The following RELN variants were observed in gnomAD, a reference collection of about 807,000 sequenced individuals.
The protein encoded by RELN is reelin.
Under a neutral mutation model 427.6 loss-of-function variants are expected in RELN, and 108 were observed. That is an observed-to-expected ratio of 0.25 (90% confidence interval 0.22 to 0.30). RELN has a LOEUF of 0.30. Among genes scored for constraint, RELN ranks in the 10% least tolerant of loss-of-function variants. The pLI is 1.00. For missense variants in RELN, 3,715 were observed against 4,302.8 expected (o/e 0.86, Z 3.82); for synonymous variants, 1,524 against 1,513.4 (o/e 1.01, Z -0.16).
intron 1 of RELN, among the ~76,000 whole-genome samples, chr7:103,973,100 TGA>T (rs1339559565): frequency 6.6e-6 from 1 of 152,224 alleles, no homozygotes; most frequent in Non-Finnish European, 1.5e-5. Context: ...AAAGGTGCCC[TGA>T]AGGTTTAAGT....
chr7:103,691,775 T>C (rs185473938), intron 10 of RELN, among the ~76,000 whole-genome samples: 2 of 152,234 alleles, frequency 1.3e-5, no homozygotes, highest in Admixed American at 6.5e-5. Flanking sequence ...ATCATGACAC[T>C]GCACACTAGT....
chr7:103,745,545 G>A (rs1790798809), intron 6 of RELN, among the ~76,000 whole-genome samples: 1 of 150,816 alleles, frequency 6.6e-6, no homozygotes, highest in South Asian at 2.1e-4. Context: ...ATCTCCTCAA[G>A]CTGATAAGCA....
chr7:103,738,478 T>G (rs575692298), intron 6 of RELN, among the ~76,000 whole-genome samples: 1 of 151,960 alleles, frequency 6.6e-6, no homozygotes, highest in Non-Finnish European at 1.5e-5. Flanking sequence ...AATGCATCCA[T>G]CTATGTAACC....
chr7:103,760,946 A>C (rs1405759625), intron 4 of RELN, among the ~76,000 whole-genome samples: 1 of 152,148 alleles, frequency 6.6e-6, no homozygotes, highest in African/African-American at 2.4e-5. Flanking sequence ...TTGACCTTCA[A>C]GTATGATAAT....
At chr7:103,730,932 T>A (rs1790337803) in intron 6 of RELN, among the ~76,000 whole-genome samples, 1 of 152,080 alleles carries the variant, frequency 6.6e-6, no homozygotes. Flanking sequence ...TTTAACAAAT[T>A]TAGGTTGAGG....
intron 22 of RELN, among the ~76,000 whole-genome samples, chr7:103,609,912 G>A (rs987456764): frequency 1.3e-5 from 2 of 152,160 alleles, no homozygotes; most frequent in Admixed American, 6.5e-5. Context: ...GTAAGATCAT[G>A]TAATTAAACC....
intron 37 of RELN, among the ~76,000 whole-genome samples, chr7:103,557,683 A>C (rs1018005135): frequency 6.6e-6 from 1 of 152,194 alleles, no homozygotes; most frequent in African/African-American, 2.4e-5. Context: ...TTTAGTTAGA[A>C]AGTAGTGGTG....
At chr7:103,548,772 T>C (rs977728655) in intron 41 of RELN, among the ~76,000 whole-genome samples, 2 of 152,224 alleles carry the variant, frequency 1.3e-5, no homozygotes. Flanking sequence ...TTATATTGTC[T>C]TGCCTTACGT....
At chr7:103,767,147 T>C (rs140310772) in intron 4 of RELN, among the ~76,000 whole-genome samples, 9 of 152,378 alleles carry the variant, frequency 5.9e-5, no homozygotes, top group Admixed American at 2.0e-4. Flanking sequence ...TGCATACTGC[T>C]GGACCACTGG....
intron 12 of RELN, 57 bp downstream of exon 12, chr7:103,661,319 T>C: frequency 1.9e-6 from 3 of 1,546,220 alleles, no homozygotes; most frequent in South Asian, 1.1e-5. Flanking sequence ...TCCTCAGGAA[T>C]AGGTGCTGGC....
At chr7:103,557,838 G>C (rs749923324) in intron 37 of RELN, 127 bp downstream of exon 37, 14 of 630,262 alleles carry the variant, frequency 2.2e-5, no homozygotes, top group African/African-American at 3.7e-5. Flanking sequence ...AAACATTTAT[G>C]TATACTAATT....
intron 24 of RELN, among the ~76,000 whole-genome samples, chr7:103,597,515 A>G (rs1831565662): frequency 6.6e-6 from 1 of 152,180 alleles, no homozygotes; most frequent in Admixed American, 6.5e-5. Context: ...AGGCAGGAGA[A>G]TCACTTAAAC....
intron 10 of RELN, among the ~76,000 whole-genome samples, chr7:103,682,531 A>G (rs1366825667): frequency 1.3e-5 from 2 of 152,334 alleles, no homozygotes; most frequent in East Asian, 1.9e-4. Flanking sequence ...GAGTATTTCA[A>G]TTGGAATAAT....
chr7:103,625,967 G>A (rs1003201300), intron 20 of RELN, among the ~76,000 whole-genome samples: 10 of 152,090 alleles, frequency 6.6e-5, no homozygotes, highest in African/African-American at 2.2e-4. Flanking sequence ...ATATAGGGCA[G>A]TGGTTAGAGT....
intron 3 of RELN, among the ~76,000 whole-genome samples, chr7:103,793,898 C>G (rs140104585): frequency 2.0e-5 from 3 of 152,084 alleles, no homozygotes; most frequent in Non-Finnish European, 4.4e-5. Context: ...TTCAGAGTAG[C>G]TGGAACTACA....
intron 10 of RELN, among the ~76,000 whole-genome samples, chr7:103,684,318 C>A (rs185977054): frequency 6.6e-6 from 1 of 152,186 alleles, no homozygotes; most frequent in Admixed American, 6.5e-5. Context: ...TTGGAATTAG[C>A]CTGCTTCCTA....
intron 2 of RELN, among the ~76,000 whole-genome samples, chr7:103,884,101 T>C (rs183207600): frequency 7.0e-4 from 107 of 152,110 alleles, no homozygotes; most frequent in African/African-American, 2.5e-3. Flanking sequence ...CCAATGGAAC[T>C]TAACAGAGGC....
intron 18 of RELN, among the ~76,000 whole-genome samples, 154 bp from the exon 19 acceptor site, chr7:103,635,740 A>G (rs1324541611): frequency 6.6e-6 from 1 of 152,228 alleles, no homozygotes; most frequent in Non-Finnish European, 1.5e-5. Context: ...ATATGTGTAG[A>G]TATTTATGTA....
Position 103,553,530 on chromosome 7 carries a change from A to C in RELN, c.6003T>G (p.Asn2001Lys), listed in dbSNP as rs1830457164. 6.2e-7 allele frequency: 1 copy of C among 1,614,002 alleles called. No homozygotes were observed. Residue 2001 changes from asparagine to lysine, a missense_variant, in exon 40 of 65, where the codon AAT becomes AAG. Around this residue, in one of 4 missense-constraint regions of RELN, gnomAD observed 1,310 missense variants for 1,643.0 expected, o/e 0.80. Transcript: ENST00000428762. ...EEDSAMVFVS[N>K]EVGEHSITTR... ...TGGTAATGGAATGCTCACCAACTTC[A>C]TTTGAAACAAACACCATAGCTGAAT...
Sources: gnomAD v4.1 joint callset for allele counts (sites outside exome capture counted in the v4.1 genomes callset) on GRCh38, gnomAD v4.1.1 for gene constraint, gnomAD v4.1.1 regional missense constraint, MANE v1.5 for transcripts, NCBI Gene and HGNC (gene_info 2026-07-23, HGNC 2026-07-21) for gene names.